Variants in TRABD observed in about 807,000 individuals in gnomAD.
The protein encoded by TRABD is TraB domain containing.
A neutral mutation model predicts 39.6 loss-of-function variants in TRABD; 23 were observed. That is an observed-to-expected ratio of 0.58 (90% CI 0.42 to 0.82). TRABD has a LOEUF of 0.82. Ranked by LOEUF, TRABD falls within the 40% of genes least tolerant of loss-of-function variation. The pLI, the probability that TRABD is intolerant of heterozygous loss-of-function variation, is 0.00. For missense variants in TRABD, 487 were observed against 544.9 expected, an observed-to-expected ratio of 0.89 and a Z score of 1.06; for synonymous variants, 243 against 232.1, an observed-to-expected ratio of 1.05 and a Z score of -0.43.
intron 4 of TRABD, 141 bp downstream of exon 4, chr22:50,194,647 G>C: frequency 7.3e-7 from 1 of 1,377,428 alleles, no homozygotes; most frequent in East Asian, 2.5e-5. Context: ...GTCCCTGGGA[G>C]TGGCAAGGTG....
rs544924678 is a variant in TRABD, at chr22:50,188,592, T to C, written c.-35+2616T>C. Among the ~76,000 whole-genome samples the C allele has an allele frequency of 5.9e-5, 9 of 152,354 alleles. No homozygotes were observed. In the East Asian group the frequency reaches 1.7e-3, roughly 29 times the overall value. On this transcript the variant is annotated intron_variant, in intron 1 of 9. Transcript: ENST00000380909. Reference sequence around the variant, plus strand: ...TGCGTGGCGTCTCTTCCAGGAGTACTAACCCCGTCATGGGGGCTATGCACT... The same window carrying C: ...TGCGTGGCGTCTCTTCCAGGAGTACCAACCCCGTCATGGGGGCTATGCACT...
At chr22:50,186,051 G>GTTT (rs2063745636) in intron 1 of TRABD, 75 bp downstream of exon 1, 1 of 142,456 alleles carries the variant, frequency 7.0e-6, no homozygotes, top group Non-Finnish European at 1.6e-5. Context: ...CCCGGGTCAG[G>GTTT]GCCGCGGGGT....
intron 5 of TRABD, among the ~76,000 whole-genome samples, chr22:50,195,544 C>G (rs1156969235): frequency 6.6e-6 from 1 of 151,868 alleles, no homozygotes. Context: ...CTCACTGCAA[C>G]CTTCGCCTCC....
chr22:50,198,075 C>T lies in TRABD; in HGVS notation c.845C>T (p.Ala282Val). The change falls in exon 9 of 10, where the codon GCC (alanine) becomes GTC (valine). Residue 282 changes from alanine to valine, a missense_variant and splice_region_variant. By Grantham distance (64) the Ala-to-Val change is moderately conservative (BLOSUM62 0). Transcript: ENST00000380909. The surrounding 1 kb of genome is among the most constrained non-coding windows in gnomAD (Gnocchi z 7.9). ...ACTGACCCCTTGTCCTTCCCCACAG[C>T]CGAGCCCAGGAAGTGCGTCCCCTCC... ...RRLELPRASD[A>V]EPRKCVPSVV... 1 of 1,612,568 alleles carries T rather than the reference C, an allele frequency of 6.2e-7. No individual in the cohort carries two copies. The highest frequency in any genetic ancestry group is 8.5e-7 in the Non-Finnish European group (1 of 1,179,622).
At chr22:50,191,274 C>T (rs983411317) in intron 1 of TRABD, among the ~76,000 whole-genome samples, 1 of 152,194 alleles carries the variant, frequency 6.6e-6, no homozygotes, top group Admixed American at 6.5e-5. Flanking sequence ...TTCCCCTGCT[C>T]AGAGCCGTCC....
chr22:50,197,765 C>CCCCCCCCCCCCCCCCCGGG, intron 7 of TRABD, 58 bp from the exon 8 acceptor site: 24 of 754,022 alleles, frequency 3.2e-5, no homozygotes, highest in Non-Finnish European at 5.1e-5. Flanking sequence ...ACAGTGCCAG[C>CCCCCCCCCCCCCCCCCGGG]CCCACCCCCC....
Position 50,198,467 on chromosome 22 carries a change from T to C in TRABD, c.1079T>C (p.Leu360Pro). Residue 360 changes from leucine (L) to proline (P), a missense_variant, in exon 10 of 10, where the codon CTG becomes CCG. Around this residue, in one of 3 missense-constraint regions of TRABD, gnomAD observed 123 missense variants for 108.3 expected, o/e 1.14. Transcript: ENST00000380909. The surrounding 1 kb of genome is among the most constrained non-coding windows in gnomAD (Gnocchi z 7.9). The part of the protein sequence containing the change: ...GRRTASLVLS[L>P]PAAQYCLQRV... ...CGCACCGCGAGCCTGGTCCTGTCGC[T>C]GCCCGCCGCGCAGTACTGCCTGCAG... is the stretch of plus-strand genomic sequence containing the variant. The C allele has an allele frequency of 1.3e-6, 2 of 1,595,432 alleles. No individual in the cohort carries two copies. Among genetic ancestry groups the C allele is most frequent in the Non-Finnish European group, 1.7e-6 (2 of 1,176,746 alleles).
Position 50,195,049 on chromosome 22 carries a change from C to G in TRABD, c.420+9C>G. On this transcript the variant is annotated intron_variant, in intron 5 of 9. Transcript: ENST00000380909. ...AGCAGGCCGTGAGGCAGGTGCGCAG[C>G]CGCGGGCAAGGGTCAGGGTCAGGGT... 6.3e-7 allele frequency: 1 copy of G among 1,575,518 alleles called. No individual in the cohort carries two copies. Among genetic ancestry groups the G allele is most frequent in the Non-Finnish European group, 8.6e-7 (1 of 1,166,818 alleles).
chr22:50,194,860 A>G lies in TRABD; in HGVS notation c.280-40A>G, dbSNP rs1444141640. 3 of 1,599,042 alleles carry G rather than the reference A, an allele frequency of 1.9e-6. No individual in the cohort carries two copies. The Admixed American group carries it at 5.1e-5, about 27-fold the overall frequency. On this transcript the variant is annotated intron_variant, in intron 4 of 9. Transcript: ENST00000380909. ...GCGTCAGCTGTGCTGAGGGGCAGGG[A>G]GCGGCTGTGTTCTCGAGGTGTGACC...
chr22:50,193,099 G>A lies in TRABD; in HGVS notation c.33+6G>A, dbSNP rs1026958305. 1.9e-6 allele frequency: 3 copies of A among 1,543,892 alleles called. No homozygotes were observed. Among genetic ancestry groups the A allele is most frequent in the South Asian group, 1.2e-5 (1 of 84,018 alleles). ...AGCAGCAGCCACCGCACGAGGTGAG[G>A]TGGAGGCTGGGCTGGCTGCACAGAG... is the stretch of plus-strand genomic sequence containing the variant. On this transcript the variant is annotated splice_donor_region_variant and intron_variant, in intron 2 of 9. Transcript: ENST00000380909.
intron 5 of TRABD, among the ~76,000 whole-genome samples, chr22:50,196,537 G>A (rs772115451): frequency 6.6e-6 from 1 of 152,212 alleles, no homozygotes; most frequent in Non-Finnish European, 1.5e-5. Flanking sequence ...TGTAGCTGCT[G>A]AAGATGGGGG....
chr22:50,194,755 C>T, intron 4 of TRABD, 145 bp from the exon 5 acceptor site: 1 of 1,292,146 alleles, frequency 7.7e-7, no homozygotes, highest in Non-Finnish European at 1.0e-6. Context: ...GAGAATTGAG[C>T]TGTCACTGCA....
intron 5 of TRABD, 132 bp from the exon 6 acceptor site, chr22:50,197,109 G>A: frequency 1.1e-6 from 1 of 884,606 alleles, no homozygotes; most frequent in East Asian, 2.5e-5. Flanking sequence ...CTGTCGGGGA[G>A]GGGGCCAAGG....
chr22:50,191,759 GT>G (rs1034797722), intron 1 of TRABD: 3 of 152,038 alleles, frequency 2.0e-5, no homozygotes, highest in African/African-American at 7.3e-5. Context: ...TTTTACTTTT[GT>G]TTTTTTCTTG....
In TRABD at chr22:50,199,130, G is replaced by A. The variant is rs2064236409; in HGVS notation, c.*611G>A. 3 of 719,942 alleles carry A rather than the reference G, an allele frequency of 4.2e-6. No individual in the cohort carries two copies. The highest frequency in any genetic ancestry group is 7.8e-6 in the Non-Finnish European group (3 of 385,966). The allele number at this position is 719,942 out of a possible 1,614,324, so 44.6% of individuals were successfully genotyped here. On this transcript the variant is annotated 3_prime_UTR_variant, in exon 10 of 10. Coordinates refer to ENST00000380909, the MANE Select transcript of TRABD (RefSeq NM_001320485.2). The stretch of plus-strand genomic sequence containing the variant: ...TTTAATTTCAGAGAGAAAAACTGAA[G>A]TAAATGTCAAAAAACACCAGCCTTA...
rs374235833 is a variant in TRABD, at chr22:50,194,991, G to A, written c.371G>A (p.Arg124Gln). ...MLKMDESTLLREAQELSLEKL... is the reference protein window; with the variant it reads ...MLKMDESTLLQEAQELSLEKL... ...AAGATGGACGAGAGCACGCTGCTGC[G>A]GGAGGCCCAGGAGCTCAGCCTGGAG... Residue 124 changes from arginine to glutamine, a missense_variant, in exon 5 of 10, where the codon CGG (arginine) becomes CAG (glutamine). This residue lies in a region of TRABD where 358 missense variants were observed against 414.7 expected (regional missense o/e 0.86). Transcript: ENST00000380909. 21 of 1,609,506 alleles carry A rather than the reference G, an allele frequency of 1.3e-5. No individual in the cohort carries two copies. Among genetic ancestry groups the A allele is most frequent in the African/African-American group, 9.3e-5 (7 of 74,904 alleles).
At chr22:50,193,509 G>A in intron 2 of TRABD, 67 bp from the exon 3 acceptor site, 1 of 1,470,698 alleles carries the variant, frequency 6.8e-7, no homozygotes, top group Non-Finnish European at 9.5e-7. Context: ...GGTCCGTGGA[G>A]TTGCCACGGA....
rs2064235214 is a variant in TRABD at position 50,199,091 on chromosome 22, T to G, written c.*572T>G. The G allele has an allele frequency of 1.4e-6, 1 of 716,596 alleles. No homozygotes were observed. The highest frequency in any genetic ancestry group is 2.6e-6 in the Non-Finnish European group (1 of 384,416). 44.4% of individuals were successfully genotyped at this position (716,596 alleles called of 1,614,324 possible). A position where few individuals can be genotyped will look rare whatever the true frequency, so the allele number is the denominator to read the frequency against. ...TGGCTTTTTTAATGTCTTAAAATCT[T>G]TTACTCAGGTAATTTTAATTTCAGA... On this transcript the variant is annotated 3_prime_UTR_variant, in exon 10 of 10. Coordinates refer to ENST00000380909, the MANE Select transcript of TRABD (RefSeq NM_001320485.2).
intron 7 of TRABD, 47 bp downstream of exon 7, chr22:50,197,635 G>T (rs757039190): frequency 4.4e-6 from 7 of 1,605,048 alleles, no homozygotes; most frequent in Non-Finnish European, 6.0e-6. Context: ...GTGGTCTGTG[G>T]GAGGCTCCAG....
Sources: gnomAD v4.1 joint callset for allele counts (sites outside exome capture counted in the v4.1 genomes callset) on GRCh38, gnomAD v4.1.1 for gene constraint, gnomAD v4.1.1 regional missense constraint, Gnocchi (gnomAD v3.1) non-coding constraint, MANE v1.5 for transcripts, NCBI Gene and HGNC (gene_info 2026-07-23, HGNC 2026-07-21) for gene names.